Variants in CNTN4 observed in about 807,000 individuals in gnomAD.
CNTN4 encodes the protein contactin 4.
CNTN4 carries 77 observed loss-of-function variants against 122.5 expected under a neutral mutation model. The observed-to-expected ratio is 0.63, with a 90% CI of 0.52 to 0.76. The LOEUF is 0.76. CNTN4 is among the 30% of genes least tolerant of loss of function. The probability of loss-of-function intolerance (pLI) is 0.00; values close to 1 mark genes in which losing one functional copy is unlikely to be tolerated. For missense variants in CNTN4, 1,256 were observed against 1,259.1 expected, an observed-to-expected ratio of 1.00 and a Z score of 0.04; for synonymous variants, 512 against 447.0, an observed-to-expected ratio of 1.15 and a Z score of -1.83.
intron 7 of CNTN4, among the ~76,000 whole-genome samples, chr3:2,828,831 G>A (rs1166983734): frequency 2.6e-5 from 4 of 152,072 alleles, no homozygotes; most frequent in Admixed American, 6.6e-5. Context: ...GCCTGAAACC[G>A]GGCTCAAGCA....
chr3:3,031,060 T>C (rs1161265888), intron 16 of CNTN4, 85 bp downstream of exon 16: 4 of 1,567,718 alleles, frequency 2.6e-6, no homozygotes, highest in Middle Eastern at 1.8e-4. Context: ...CTCAGTGGTT[T>C]AGAATTATGG....
intron 2 of CNTN4, among the ~76,000 whole-genome samples, chr3:2,253,944 G>A (rs1017994154): frequency 6.6e-6 from 1 of 151,994 alleles, no homozygotes; most frequent in African/African-American, 2.4e-5. Flanking sequence ...GAACATGCAG[G>A]TTTGTTACAT....
intron 2 of CNTN4, among the ~76,000 whole-genome samples, chr3:2,197,811 T>A (rs745866599): frequency 6.6e-6 from 1 of 151,218 alleles, no homozygotes; most frequent in Non-Finnish European, 1.5e-5. Flanking sequence ...AGGTCAGGAG[T>A]TCAAGACCAA....
In CNTN4 at chr3:2,886,728, GGTTTCAAAC is replaced by G. The variant is rs150722974; in HGVS notation, c.756-311_756-303del. Among the ~76,000 whole-genome samples, 6,318 of 151,920 alleles carry G rather than the reference GGTTTCAAAC, an allele frequency of 0.042. 161 individuals carry two copies. The highest frequency in any genetic ancestry group is 0.058 in the Non-Finnish European group (3,922 of 67,944). The stretch of plus-strand genomic sequence containing the variant: ...GGGGTTTCACCATGTTGGCCAGGCT[GGTTTCAAAC>G]TCCTGACCTCAAGTGATCTGTCCGC... On this transcript the variant is annotated intron_variant, in intron 9 of 24. Coordinates refer to ENST00000418658, the MANE Select transcript of CNTN4 (RefSeq NM_175607.3).
At chr3:2,357,217 G>A (rs970398508) in intron 3 of CNTN4, among the ~76,000 whole-genome samples, 1 of 152,158 alleles carries the variant, frequency 6.6e-6, no homozygotes, top group African/African-American at 2.4e-5. Context: ...TTAAGATACT[G>A]TTTTCATATC....
chr3:2,789,973 A>G (rs1193247654), intron 6 of CNTN4, among the ~76,000 whole-genome samples: 1 of 152,198 alleles, frequency 6.6e-6, no homozygotes. Context: ...TTTCTTTGAG[A>G]AGGTACAATT....
intron 2 of CNTN4, among the ~76,000 whole-genome samples, chr3:2,223,514 G>A (rs2039144723): frequency 6.6e-6 from 1 of 152,136 alleles, no homozygotes; most frequent in Non-Finnish European, 1.5e-5. Context: ...CTGTGTCTCA[G>A]TTGCTTCATC....
intron 4 of CNTN4, among the ~76,000 whole-genome samples, chr3:2,637,810 A>T (rs1284836554): frequency 6.6e-6 from 1 of 152,078 alleles, no homozygotes; most frequent in East Asian, 1.9e-4. Flanking sequence ...CCCTTGCCTA[A>T]ATGTATTTTC....
chr3:2,625,862 C>T (rs573058418), intron 4 of CNTN4, among the ~76,000 whole-genome samples: 1 of 152,144 alleles, frequency 6.6e-6, no homozygotes, highest in African/African-American at 2.4e-5. Flanking sequence ...CTCAGCTTCA[C>T]GAGATAACAC....
chr3:2,647,368 C>A (rs1328677823), intron 4 of CNTN4, among the ~76,000 whole-genome samples: 1 of 149,238 alleles, frequency 6.7e-6, no homozygotes, highest in African/African-American at 2.5e-5. Flanking sequence ...GCAACGAGAG[C>A]GAAACTCATC....
At chr3:2,211,276 A>AGGG (rs1446908379) in intron 2 of CNTN4, among the ~76,000 whole-genome samples, 1 of 152,140 alleles carries the variant, frequency 6.6e-6, no homozygotes, top group Non-Finnish European at 1.5e-5. Flanking sequence ...GCAAGCCATG[A>AGGG]GGGATCCACC....
In CNTN4 at chr3:2,591,659, C is replaced by T. The variant is rs1449225862; in HGVS notation, c.55+20101C>T. 6.8e-4 allele frequency among the ~76,000 whole-genome samples: 35 copies of T among 51,654 alleles called. 10 individuals are homozygous for T. The East Asian group carries it at 0.011, about 16-fold the overall frequency. The allele number at this position is 51,654 out of a possible 152,430, so 33.9% of individuals were successfully genotyped here. A position where few individuals can be genotyped will look rare whatever the true frequency, so the allele number is the denominator to read the frequency against. On this transcript the variant is annotated intron_variant, in intron 4 of 24. Coordinates refer to ENST00000418658, the MANE Select transcript of CNTN4 (RefSeq NM_175607.3). Reference sequence around the variant, plus strand: ...GATTACAGGCGTGAGCCACCGCGCCCGGCCGATTTGTGACTTTTTAAAATT... The same window carrying T: ...GATTACAGGCGTGAGCCACCGCGCCTGGCCGATTTGTGACTTTTTAAAATT...
intron 2 of CNTN4, among the ~76,000 whole-genome samples, chr3:2,265,732 C>T (rs1033704261): frequency 6.7e-6 from 1 of 149,824 alleles, no homozygotes; most frequent in Non-Finnish European, 1.5e-5. Flanking sequence ...ATGTTCTTTT[C>T]CATTTCCTTC....
At chr3:2,245,045 A>G (rs1047800281) in intron 2 of CNTN4, among the ~76,000 whole-genome samples, 15 of 152,176 alleles carry the variant, frequency 9.9e-5, no homozygotes, top group African/African-American at 3.6e-4. Flanking sequence ...TCCGTCTTCC[A>G]TAATAGATAC....
intron 2 of CNTN4, among the ~76,000 whole-genome samples, chr3:2,180,007 G>C (rs1011512210): frequency 6.6e-6 from 1 of 150,836 alleles, no homozygotes; most frequent in African/African-American, 2.4e-5. Flanking sequence ...TCTCAATTCA[G>C]ATGAGCAACA....
At chr3:2,099,966 T>C (rs2125072285) in intron 1 of CNTN4, among the ~76,000 whole-genome samples, 1 of 152,274 alleles carries the variant, frequency 6.6e-6, no homozygotes, top group East Asian at 1.9e-4. Flanking sequence ...AGCCAGAGAG[T>C]CGGCTGCATG....
chr3:2,854,268 CTTTTTTTT>C, intron 7 of CNTN4, among the ~76,000 whole-genome samples: 1 of 90,050 alleles, frequency 1.1e-5, no homozygotes, highest in Admixed American at 1.5e-4. Context: ...CTTTCTTCTT[CTTTTTTTT>C]TTTTTTTTTT....
At chr3:2,254,618 G>A (rs770686165) in intron 2 of CNTN4, among the ~76,000 whole-genome samples, 16 of 152,156 alleles carry the variant, frequency 1.1e-4, no homozygotes, top group Non-Finnish European at 2.2e-4. Context: ...TTGTGGTTTT[G>A]ATTTGCATTC....
intron 6 of CNTN4, among the ~76,000 whole-genome samples, chr3:2,766,067 C>T (rs543965789): frequency 3.3e-5 from 5 of 152,298 alleles, no homozygotes; most frequent in African/African-American, 1.2e-4. Flanking sequence ...CATCACCACT[C>T]TTTCCAAATC....
Sources: allele counts gnomAD v4.1 joint callset (sites outside exome capture counted in the v4.1 genomes callset), GRCh38; gene constraint gnomAD v4.1.1; transcripts MANE v1.5; gene names NCBI Gene and HGNC (gene_info 2026-07-23, HGNC 2026-07-21).